Variants in SSH2 observed in about 807,000 individuals in gnomAD.
SSH2 encodes the protein protein phosphatase Slingshot homolog 2.
SSH2 carries 37 observed loss-of-function variants against 135.2 expected under a neutral mutation model. The observed-to-expected ratio is 0.27, with a 90% CI of 0.21 to 0.36. The LOEUF is 0.36. Ranked by LOEUF, SSH2 falls within the 10% of genes least tolerant of loss-of-function variation. The pLI is 1.00. For missense variants in SSH2, 1,408 were observed against 1,765.3 expected (o/e 0.80, Z 3.63); for synonymous variants, 628 against 646.2 (o/e 0.97, Z 0.43).
chr17:29,906,016 C>T (rs923215000), intron 1 of SSH2, among the ~76,000 whole-genome samples: 14 of 152,284 alleles, frequency 9.2e-5, no homozygotes, highest in African/African-American at 3.1e-4. Flanking sequence ...CGATGGATGA[C>T]CTGCCTGCCT....
At chr17:29,729,458 A>G (rs1688502500) in intron 3 of SSH2, among the ~76,000 whole-genome samples, 1 of 152,230 alleles carries the variant, frequency 6.6e-6, no homozygotes, top group African/African-American at 2.4e-5. Flanking sequence ...AAACTAGTAC[A>G]ACCACTATGG....
chr17:29,910,511 C>A (rs2066747675), intron 1 of SSH2, among the ~76,000 whole-genome samples: 1 of 152,116 alleles, frequency 6.6e-6, no homozygotes, highest in Non-Finnish European at 1.5e-5. Context: ...AGTAAGTGTA[C>A]AAAGATTATA....
intron 1 of SSH2, among the ~76,000 whole-genome samples, chr17:29,865,466 G>T (rs534492752): frequency 6.6e-6 from 1 of 152,316 alleles, no homozygotes; most frequent in East Asian, 1.9e-4. Context: ...CAGATAATTT[G>T]CTGAGAGTAA....
chr17:29,743,357 GA>G (rs898814513), intron 3 of SSH2, among the ~76,000 whole-genome samples: 2 of 152,096 alleles, frequency 1.3e-5, no homozygotes, highest in African/African-American at 4.8e-5. Context: ...GAAGAGCACT[GA>G]CATTCAATAT....
chr17:29,644,379 T>C (rs2036287936), intron 14 of SSH2, among the ~76,000 whole-genome samples: 1 of 152,244 alleles, frequency 6.6e-6, no homozygotes, highest in African/African-American at 2.4e-5. Context: ...TGCCTTTCTC[T>C]AACAAGAGTC....
At chr17:29,687,609 T>C (rs1300799666) in intron 5 of SSH2, among the ~76,000 whole-genome samples, 3 of 152,208 alleles carry the variant, frequency 2.0e-5, no homozygotes, top group Admixed American at 6.5e-5. Flanking sequence ...CCTTCTCTGA[T>C]TGTAGAAACA....
chr17:29,687,620 C>T (rs551541271), intron 5 of SSH2, among the ~76,000 whole-genome samples: 7 of 152,198 alleles, frequency 4.6e-5, no homozygotes, highest in African/African-American at 1.7e-4. Flanking sequence ...TGTAGAAACA[C>T]TCTACAACAT....
intron 2 of SSH2, among the ~76,000 whole-genome samples, chr17:29,802,234 G>A (rs1457919013): frequency 1.3e-5 from 2 of 152,060 alleles, no homozygotes; most frequent in African/African-American, 2.4e-5. Context: ...TACCTATTAT[G>A]TTTTAGATAC....
intron 8 of SSH2, chr17:29,674,268 G>A (rs1380807540): frequency 4.6e-6 from 2 of 438,878 alleles, no homozygotes; most frequent in Non-Finnish European, 9.2e-6. Flanking sequence ...CAAAGTTGCA[G>A]AGTCTTTTAA....
intron 1 of SSH2, among the ~76,000 whole-genome samples, chr17:29,912,321 T>G (rs1567649059): frequency 6.6e-6 from 1 of 152,246 alleles, no homozygotes; most frequent in African/African-American, 2.4e-5. Context: ...CTAGACTATA[T>G]GTATCTTCAA....
At chr17:29,796,821 T>C (rs1368089172) in intron 2 of SSH2, among the ~76,000 whole-genome samples, 2 of 151,496 alleles carry the variant, frequency 1.3e-5, no homozygotes, top group South Asian at 4.2e-4. Flanking sequence ...TTTTTTTTTT[T>C]GTTTAGAGAT....
At chr17:29,731,315 C>CA (rs1431119957) in intron 3 of SSH2, among the ~76,000 whole-genome samples, 1 of 152,056 alleles carries the variant, frequency 6.6e-6, no homozygotes, top group Non-Finnish European at 1.5e-5. Flanking sequence ...AGGAGATTAT[C>CA]ACTGGGGACC....
intron 1 of SSH2, among the ~76,000 whole-genome samples, chr17:29,877,292 A>G (rs1005122877): frequency 8.5e-5 from 13 of 152,222 alleles, no homozygotes; most frequent in Non-Finnish European, 2.9e-5. Flanking sequence ...AATTAATACA[A>G]CCACTATGGA....
chr17:29,631,344 A>G lies in SSH2; in HGVS notation c.3850T>C (p.Ser1284Pro). ...GLTKPSQMRR[S>P]ASLAKLGYLD... The stretch of plus-strand genomic sequence containing the variant: ...TAACCTAATTTGGCGAGAGAAGCTG[A>G]GCGCCTCATTTGGGATGGTTTGGTG... The change falls in exon 16 of 16, where the codon TCA becomes CCA. Residue 1284 changes from serine to proline, a missense_variant. Transcript: ENST00000540801. The G allele has an allele frequency of 6.2e-7, 1 of 1,614,142 alleles. No individual in the cohort carries two copies. The highest frequency in any genetic ancestry group is 8.5e-7 in the Non-Finnish European group (1 of 1,180,034).
intron 3 of SSH2, among the ~76,000 whole-genome samples, chr17:29,774,266 G>A (rs1442973368): frequency 2.0e-5 from 3 of 151,904 alleles, no homozygotes; most frequent in South Asian, 2.1e-4. Context: ...TGAACAAGAA[G>A]GAAATTTTTT....
chr17:29,684,493 A>AAG, intron 6 of SSH2, 70 bp downstream of exon 6: 2 of 1,436,076 alleles, frequency 1.4e-6, no homozygotes, highest in Non-Finnish European at 1.9e-6. Flanking sequence ...TAAAAAAAAA[A>AAG]AAAAAAAAAA....
chr17:29,755,263 C>T (rs990360153), intron 3 of SSH2, among the ~76,000 whole-genome samples: 10 of 152,118 alleles, frequency 6.6e-5, no homozygotes, highest in African/African-American at 2.4e-4. Flanking sequence ...TGAAGTTTGA[C>T]CAAATGATTC....
intron 2 of SSH2, among the ~76,000 whole-genome samples, chr17:29,831,830 C>G (rs375373989): frequency 6.6e-6 from 1 of 152,056 alleles, no homozygotes; most frequent in Non-Finnish European, 1.5e-5. Context: ...CTACCAGCCT[C>G]GGCCTCCCAA....
intron 8 of SSH2, among the ~76,000 whole-genome samples, chr17:29,672,406 A>G (rs2151046557): frequency 1.3e-5 from 2 of 152,298 alleles, no homozygotes; most frequent in Middle Eastern, 3.4e-3. Context: ...AGGTCCAGGT[A>G]CCTATGGAGC....
Sources: allele counts gnomAD v4.1 joint callset (sites outside exome capture counted in the v4.1 genomes callset), GRCh38; gene constraint gnomAD v4.1.1; transcripts MANE v1.5; gene names NCBI Gene and HGNC (gene_info 2026-07-23, HGNC 2026-07-21).